Variants in HECW1 observed in about 807,000 individuals in gnomAD.
HECW1 encodes the protein HECT, C2 and WW domain containing E3 ubiquitin protein ligase 1.
A neutral mutation model predicts 182.3 loss-of-function variants in HECW1; 61 were observed. That is an observed-to-expected ratio of 0.33 (90% CI 0.27 to 0.41). The LOEUF (loss-of-function observed/expected upper bound fraction) is 0.41, where lower values mean the gene tolerates loss of function less well. Ranked by LOEUF, HECW1 falls within the 10% of genes least tolerant of loss-of-function variation. The pLI is 1.00. For missense variants in HECW1, 1,739 were observed against 2,108.9 expected (o/e 0.82, Z 3.44); for synonymous variants, 859 against 832.6 (o/e 1.03, Z -0.55).
At chr7:43,153,910 T>A (rs1298700756) in intron 2 of HECW1, among the ~76,000 whole-genome samples, 1 of 152,184 alleles carries the variant, frequency 6.6e-6, no homozygotes, top group Non-Finnish European at 1.5e-5. Flanking sequence ...TGCTTTTTGT[T>A]GATGAGATAA....
At chr7:43,358,545 G>A (rs1815446979) in intron 5 of HECW1, among the ~76,000 whole-genome samples, 1 of 152,070 alleles carries the variant, frequency 6.6e-6, no homozygotes, top group Non-Finnish European at 1.5e-5. Context: ...GCATCACCCA[G>A]GTAATGGAAA....
chr7:43,264,661 C>T (rs983020451), intron 3 of HECW1, among the ~76,000 whole-genome samples: 14 of 151,966 alleles, frequency 9.2e-5, no homozygotes, highest in Non-Finnish European at 1.5e-4. Context: ...CTGGCTAACA[C>T]AGTGAACCCC....
chr7:43,114,196 G>A lies in HECW1; in HGVS notation c.-227G>A, dbSNP rs1784861988. The A allele has an allele frequency of 1.7e-5, 22 of 1,311,266 alleles. No homozygotes were observed. The South Asian group carries it at 2.7e-4, about 16-fold the overall frequency. 81.2% of individuals were successfully genotyped at this position (1,311,266 alleles called of 1,614,324 possible). On this transcript the variant is annotated 5_prime_UTR_variant, in exon 2 of 30. Coordinates refer to ENST00000395891, the MANE Select transcript of HECW1 (RefSeq NM_015052.5). ...TTCAGCAGAAACGGATACAGCAAGA[G>A]CAGCATAGTTCAAAAATTGAGGGAG...
chr7:43,157,571 C>G (rs1220219132), intron 2 of HECW1, among the ~76,000 whole-genome samples: 1 of 151,972 alleles, frequency 6.6e-6, no homozygotes, highest in Non-Finnish European at 1.5e-5. Flanking sequence ...TCTTTTCTTT[C>G]TTTTTTTGAG....
intron 19 of HECW1, among the ~76,000 whole-genome samples, chr7:43,498,273 G>A (rs528382243): frequency 1.9e-4 from 29 of 152,312 alleles, no homozygotes; most frequent in African/African-American, 6.7e-4. Flanking sequence ...TGTGCTGGGT[G>A]GCACTTTCTA....
chr7:43,552,971 A>G (rs1032641713), intron 28 of HECW1, among the ~76,000 whole-genome samples: 1 of 152,182 alleles, frequency 6.6e-6, no homozygotes, highest in African/African-American at 2.4e-5. Flanking sequence ...CATTCCATCC[A>G]GGACCCAGCT....
At chr7:43,419,675 C>A (rs2076119561) in intron 8 of HECW1, among the ~76,000 whole-genome samples, 1 of 152,192 alleles carries the variant, frequency 6.6e-6, no homozygotes, top group African/African-American at 2.4e-5. Flanking sequence ...TGATTTTCAA[C>A]AACTCCTACA....
At chr7:43,507,076 G>GA in intron 21 of HECW1, 61 bp from the exon 22 acceptor site, 2 of 1,569,708 alleles carry the variant, frequency 1.3e-6, no homozygotes, top group Non-Finnish European at 1.7e-6. Context: ...TCTCAAAAAA[G>GA]AAAAAAAGAA....
At position 43,445,391 on chromosome 7, in the gene HECW1, A is replaced by T; in HGVS notation, c.2219A>T (p.Glu740Val). Residue 740 changes from glutamate (E) to valine (V), a missense_variant, in exon 11 of 30, where the codon GAG (glutamate) becomes GTG (valine). Coordinates refer to ENST00000395891, the MANE Select transcript of HECW1 (RefSeq NM_015052.5). ...GTCTTCTCCTCGCAAGACGACGAGG[A>T]GGAGGAGAACAGCGCGTTCGAGTCG... ...STVFSSQDDE[E>V]EENSAFESVP... 6.2e-7 allele frequency: 1 copy of T among 1,613,668 alleles called. No individual in the cohort carries two copies. The highest frequency in any genetic ancestry group is 2.2e-5 in the East Asian group (1 of 44,872).
chr7:43,179,967 G>A (rs1386043443), intron 2 of HECW1, among the ~76,000 whole-genome samples: 1 of 152,198 alleles, frequency 6.6e-6, no homozygotes. Context: ...TGCTTTATCT[G>A]TGGAGGGTAA....
At chr7:43,467,256 G>A (rs2077818085) in intron 15 of HECW1, among the ~76,000 whole-genome samples, 1 of 152,160 alleles carries the variant, frequency 6.6e-6, no homozygotes, top group African/African-American at 2.4e-5. Flanking sequence ...CCGAACTGAG[G>A]GAGGACAGAG....
chr7:43,200,787 A>G (rs1451943717), intron 2 of HECW1, among the ~76,000 whole-genome samples: 1 of 152,162 alleles, frequency 6.6e-6, no homozygotes, highest in Non-Finnish European at 1.5e-5. Flanking sequence ...GTTGGATAGT[A>G]AGTCTTATTA....
intron 16 of HECW1, among the ~76,000 whole-genome samples, chr7:43,471,657 A>G (rs1415431064): frequency 6.6e-6 from 1 of 152,170 alleles, no homozygotes; most frequent in East Asian, 1.9e-4. Context: ...GCCCAATTTT[A>G]TAGAGATTGC....
chr7:43,202,373 G>A (rs1447182929), intron 2 of HECW1, among the ~76,000 whole-genome samples: 1 of 151,846 alleles, frequency 6.6e-6, no homozygotes, highest in Non-Finnish European at 1.5e-5. Flanking sequence ...GACAATAGTT[G>A]CAGAACCAAA....
At chr7:43,507,108 T>C in intron 21 of HECW1, 29 bp from the exon 22 acceptor site, 1 of 1,594,638 alleles carries the variant, frequency 6.3e-7, no homozygotes, top group South Asian at 1.1e-5. Context: ...AGAAAGAAAG[T>C]GATGACCTCT....
In HECW1 at chr7:43,492,104, C is replaced by G; in HGVS notation, c.3264C>G (p.Ala1088=). The G allele has an allele frequency of 6.2e-7, 1 of 1,605,044 alleles. No homozygotes were observed. The highest frequency in any genetic ancestry group is 8.5e-7 in the Non-Finnish European group (1 of 1,177,502). ...EASEVSRNRG[A]SLLARPGHSL... is the part of the protein sequence containing the mutation. ...CAGAAGTTTCTAGAAACAGAGGAGC[C>G]TCTTTACTGGCCAGGCCAGGACACA... The change falls in exon 18 of 30, where the codon GCC becomes GCG. Residue 1088 remains alanine, a synonymous_variant. Coordinates refer to ENST00000395891, the MANE Select transcript of HECW1 (RefSeq NM_015052.5).
intron 2 of HECW1, among the ~76,000 whole-genome samples, chr7:43,147,793 T>C (rs1788873399): frequency 2.6e-5 from 4 of 152,216 alleles, no homozygotes; most frequent in Admixed American, 2.6e-4. Context: ...CACAGTAGTC[T>C]TGCCAGAATG....
At chr7:43,549,140 C>T (rs1007805650) in intron 26 of HECW1, among the ~76,000 whole-genome samples, 2 of 152,202 alleles carry the variant, frequency 1.3e-5, no homozygotes, top group African/African-American at 4.8e-5. Flanking sequence ...GGCCTCCTGA[C>T]AGTGCCATAC....
intron 8 of HECW1, among the ~76,000 whole-genome samples, chr7:43,425,237 A>G (rs542014572): frequency 2.8e-4 from 42 of 152,076 alleles, no homozygotes; most frequent in African/African-American, 9.6e-4. Context: ...ACACACACAC[A>G]CACACACACA....
Sources: gnomAD v4.1 joint callset for allele counts (sites outside exome capture counted in the v4.1 genomes callset) on GRCh38, gnomAD v4.1.1 for gene constraint, MANE v1.5 for transcripts, NCBI Gene and HGNC (gene_info 2026-07-23, HGNC 2026-07-21) for gene names.